The following AKT2 variants were observed in gnomAD, a reference collection of about 807,000 sequenced individuals.
AKT2 encodes RAC-beta serine/threonine-protein kinase.
In AKT2, 16 loss-of-function variants were observed where a neutral mutation model predicts 58.6. The observed-to-expected ratio is 0.27, with a 90% confidence interval of 0.18 to 0.41. AKT2 has a LOEUF of 0.41. AKT2 is among the 10% of genes least tolerant of loss of function. AKT2 has a pLI of 1.00. For synonymous variants in AKT2, 253 were observed against 254.0 expected (o/e 1.00, Z 0.04); for missense variants, 438 against 661.0 (o/e 0.66, Z 3.70).
intron 2 of AKT2, among the ~76,000 whole-genome samples, chr19:40,258,809 T>C (rs1263662647): frequency 6.6e-6 from 1 of 152,132 alleles, no homozygotes; most frequent in Non-Finnish European, 1.5e-5. Flanking sequence ...AAGACAATAT[T>C]GTTAAGATGG....
rs543943324 is a variant in AKT2 at position 40,257,005 on chromosome 19, G to A, written c.96C>T (p.Asp32=). 7.8e-5 allele frequency: 126 copies of A among 1,614,192 alleles called. 1 individual carries two copies. The South Asian group carries it at 1.0e-3, about 13-fold the overall frequency. ...WRPRYFLLKS[D]GSFIGYKERP... ...TCTCCTTGTACCCAATGAAGGAGCC[G>A]TCGCTCTTCAGCAGGAAGTACCGTG... The change falls in exon 3 of 14, where the codon GAC becomes GAT. Residue 32 remains aspartate (D), a synonymous_variant. Transcript: ENST00000392038.
At chr19:40,236,213 T>A in intron 10 of AKT2, 44 bp downstream of exon 10, 1 of 1,613,306 alleles carries the variant, frequency 6.2e-7, no homozygotes, top group Non-Finnish European at 8.5e-7. Context: ...GGGATCCCCC[T>A]ACCCTTGGCC....
At position 40,238,094 on chromosome 19, in the gene AKT2, G is replaced by A. The variant is rs370790932; in HGVS notation, c.709-3C>T. On this transcript the variant is annotated splice_polypyrimidine_tract_variant and splice_region_variant and intron_variant, in intron 8 of 13. Transcript: ENST00000392038. The surrounding 1 kb of genome is among the most constrained non-coding windows in gnomAD (Gnocchi z 5.1). ...TCCCGGGACAGGTGGAAGAACAGCT[G>A]CAGGAGGAAGGGGTGGGGAGAGGAG... 3.5e-5 allele frequency: 56 copies of A among 1,592,190 alleles called. No homozygotes were observed. Among genetic ancestry groups the A allele is most frequent in the Non-Finnish European group, 4.6e-5 (54 of 1,169,756 alleles).
intron 2 of AKT2, among the ~76,000 whole-genome samples, chr19:40,261,599 T>C (rs534490972): frequency 3.0e-4 from 45 of 151,354 alleles, no homozygotes; most frequent in African/African-American, 1.0e-3. Context: ...CCTTTCACCA[T>C]GGGACGTGTG....
chr19:40,235,109 G>A lies in AKT2; in HGVS notation c.1302C>T (p.Val434=), dbSNP rs762111834. The A allele has an allele frequency of 8.7e-6, 14 of 1,613,926 alleles. No individual in the cohort carries two copies. Among genetic ancestry groups the A allele is most frequent in the Non-Finnish European group, 1.1e-5 (13 of 1,179,974 alleles). Residue 434 remains valine (V), a synonymous_variant, in exon 13 of 14, where the codon GTC becomes GTT. Coordinates refer to ENST00000392038, the MANE Select transcript of AKT2 (RefSeq NM_001626.6). This position sits in a 1 kb window ranked among gnomAD's most constrained non-coding sequence, Gnocchi z 6.3. ...ATTCATCATCGAAGTACCTTGTGTC[G>A]ACCTCGGACGTGACCTGAGGTTTGA... ...PPFKPQVTSE[V]DTRYFDDEFT... is the part of the protein sequence containing the mutation.
At chr19:40,247,811 C>T (rs368219418) in intron 4 of AKT2, among the ~76,000 whole-genome samples, 3 of 152,254 alleles carry the variant, frequency 2.0e-5, no homozygotes, top group East Asian at 1.9e-4. Context: ...ATGACAAGAC[C>T]GAAGCACAGA....
chr19:40,232,729 T>TGCAC lies in AKT2; in HGVS notation c.*1139_*1142dup, dbSNP rs1389374126. On this transcript the variant is annotated 3_prime_UTR_variant, in exon 14 of 14. Coordinates refer to ENST00000392038, the MANE Select transcript of AKT2 (RefSeq NM_001626.6). ...CACGCTGCCCTCACACAAACACACA[T>TGCAC]GCACACACACCCACGTGTGCCTGCG... 4.3e-6 allele frequency: 1 copy of TGCAC among 233,336 alleles called. No individual in the cohort carries two copies. The highest frequency in any genetic ancestry group is 8.5e-6 in the Non-Finnish European group (1 of 118,260). The allele number at this position is 233,336 out of a possible 1,614,324, so 14.5% of individuals were successfully genotyped here.
intron 1 of AKT2, among the ~76,000 whole-genome samples, chr19:40,270,278 T>C (rs529859512): frequency 9.8e-5 from 15 of 152,314 alleles, no homozygotes; most frequent in African/African-American, 3.6e-4. Flanking sequence ...CACACTGGAA[T>C]GTCAGCACGA....
intron 4 of AKT2, among the ~76,000 whole-genome samples, chr19:40,254,255 G>A (rs1191674646): frequency 2.6e-5 from 4 of 152,166 alleles, no homozygotes; most frequent in Non-Finnish European, 5.9e-5. Context: ...AGGTCCTGCC[G>A]GGCAGGGTGG....
At chr19:40,253,465 A>ACAT (rs748653780) in intron 4 of AKT2, among the ~76,000 whole-genome samples, 180 of 116,488 alleles carry the variant, frequency 1.5e-3, no homozygotes, top group Non-Finnish European at 2.4e-3. Flanking sequence ...AAAATAGACA[A>ACAT]TATAGACACT....
intron 1 of AKT2, among the ~76,000 whole-genome samples, chr19:40,267,739 C>T (rs774072870): frequency 6.6e-6 from 1 of 152,144 alleles, no homozygotes; most frequent in African/African-American, 2.4e-5. Context: ...TTTTGGGGTG[C>T]ATCCTAGACC....
intron 2 of AKT2, among the ~76,000 whole-genome samples, chr19:40,262,277 G>A (rs1454152519): frequency 6.6e-6 from 1 of 151,854 alleles, no homozygotes; most frequent in East Asian, 1.9e-4. Flanking sequence ...CAGGTAGAAG[G>A]AAAAATATCC....
Position 40,232,121 on chromosome 19 carries a change from T to G in AKT2, c.*1751A>C, listed in dbSNP as rs528362334. ...ACCCCACCCCCACATGCGGGGAGCCTTCCCATACCCCTCAGCCCCACAGCA... is the reference window on the plus strand; with the variant it reads ...ACCCCACCCCCACATGCGGGGAGCCGTCCCATACCCCTCAGCCCCACAGCA... On this transcript the variant is annotated 3_prime_UTR_variant, in exon 14 of 14. Coordinates refer to ENST00000392038, the MANE Select transcript of AKT2 (RefSeq NM_001626.6). 5.2e-4 allele frequency: 121 copies of G among 233,530 alleles called. No individual in the cohort carries two copies. Among genetic ancestry groups the G allele is most frequent in the African/African-American group, 2.5e-3 (115 of 45,294 alleles). 14.5% of individuals were successfully genotyped at this position (233,530 alleles called of 1,614,324 possible). A position where few individuals can be genotyped will look rare whatever the true frequency, so the allele number is the denominator to read the frequency against.
At chr19:40,245,443 T>C (rs1974684018) in intron 4 of AKT2, among the ~76,000 whole-genome samples, 1 of 152,078 alleles carries the variant, frequency 6.6e-6, no homozygotes, top group Admixed American at 6.6e-5. Flanking sequence ...TAGAAAATAA[T>C]GAACTTCTGC....
At chr19:40,253,310 A>G (rs1975301241) in intron 4 of AKT2, among the ~76,000 whole-genome samples, 1 of 152,186 alleles carries the variant, frequency 6.6e-6, no homozygotes, top group Non-Finnish European at 1.5e-5. Flanking sequence ...TACCCCATAG[A>G]TAAGCTAGAA....
At chr19:40,281,136 C>G (rs1313155099) in intron 1 of AKT2, among the ~76,000 whole-genome samples, 1 of 152,214 alleles carries the variant, frequency 6.6e-6, no homozygotes, top group Non-Finnish European at 1.5e-5. Flanking sequence ...CCCCTGCAGG[C>G]ACTTCTGCTG....
Position 40,234,303 on chromosome 19 carries a change from CA to C in AKT2, c.1367-353del, listed in dbSNP as rs1240472007. On this transcript the variant is annotated intron_variant, in intron 13 of 13. Transcript: ENST00000392038. This position sits in a 1 kb window ranked among gnomAD's most constrained non-coding sequence, Gnocchi z 4.7. ...CTCCCATCCATTCTCCACGGGCAGC[CA>C]GGGGGGCTTTCTAAAGGCCTGCTTT... The C allele has an allele frequency of 3.1e-6, 1 of 326,636 alleles. No individual in the cohort carries two copies. The highest frequency in any genetic ancestry group is 5.7e-6 in the Non-Finnish European group (1 of 176,744). 20.2% of individuals were successfully genotyped at this position (326,636 alleles called of 1,614,324 possible). A position where few individuals can be genotyped will look rare whatever the true frequency, so the allele number is the denominator to read the frequency against.
intron 2 of AKT2, among the ~76,000 whole-genome samples, chr19:40,261,768 CA>C (rs1306849942): frequency 6.6e-6 from 1 of 151,968 alleles, no homozygotes; most frequent in Non-Finnish European, 1.5e-5. Flanking sequence ...TTAATGGGTA[CA>C]AAGTTTTATT....
rs1975582600 is a variant in AKT2, at chr19:40,256,951, G to T, written c.150C>A (p.Pro50=). 1.2e-6 allele frequency: 2 copies of T among 1,614,166 alleles called. No homozygotes were observed. Among genetic ancestry groups the T allele is most frequent in the Admixed American group, 1.7e-5 (1 of 60,030 alleles). Residue 50 remains proline, a synonymous_variant, in exon 3 of 14, where the codon CCC becomes CCA. Coordinates refer to ENST00000392038, the MANE Select transcript of AKT2 (RefSeq NM_001626.6). The part of the protein sequence containing the change: ...ERPEAPDQTL[P]PLNNFSVAEC... ...CTGCTACGGAGAAGTTGTTTAAGGG[G>T]GGTAGAGTCTGATCAGGGGCCTCGG... is the stretch of plus-strand genomic sequence containing the variant.
Sources: gnomAD v4.1 joint callset for allele counts (sites outside exome capture counted in the v4.1 genomes callset) on GRCh38, gnomAD v4.1.1 for gene constraint, Gnocchi (gnomAD v3.1) non-coding constraint, MANE v1.5 for transcripts, NCBI Gene and HGNC (gene_info 2026-07-23, HGNC 2026-07-21) for gene names.